The following RSPO3 variants were observed in gnomAD, a reference collection of about 807,000 sequenced individuals.
RSPO3 encodes R-spondin 3, also known as R-spondin-3.
In RSPO3, 17 loss-of-function variants were observed where a neutral mutation model predicts 36.5. The ratio of observed to expected loss-of-function variants is 0.47; its 90% CI spans 0.32 to 0.70. RSPO3 has a LOEUF of 0.70. RSPO3 is among the 30% of genes least tolerant of loss of function. The probability of loss-of-function intolerance (pLI) is 0.04; values close to 1 mark genes in which losing one functional copy is unlikely to be tolerated. For missense variants in RSPO3, 294 were observed against 322.5 expected, an observed-to-expected ratio of 0.91 and a Z score of 0.68; for synonymous variants, 108 against 107.0, an observed-to-expected ratio of 1.01 and a Z score of -0.06.
At chr6:127,167,798 C>G (rs1013473715) in intron 4 of RSPO3, among the ~76,000 whole-genome samples, 9 of 151,816 alleles carry the variant, frequency 5.9e-5, no homozygotes, top group Admixed American at 1.3e-4. Flanking sequence ...GTGTGATGTT[C>G]CCCTTCCAGT....
At chr6:127,141,881 A>G (rs1001686140) in intron 1 of RSPO3, among the ~76,000 whole-genome samples, 1 of 151,592 alleles carries the variant, frequency 6.6e-6, no homozygotes, top group Admixed American at 6.6e-5. Context: ...ACACACATAT[A>G]TGTGTGTGTG....
In RSPO3 at chr6:127,197,489, T is replaced by C; in HGVS notation, c.*1482T>C. 6.4e-7 allele frequency: 1 copy of C among 1,550,564 alleles called. No individual in the cohort carries two copies. Among genetic ancestry groups the C allele is most frequent in the South Asian group, 1.2e-5 (1 of 84,054 alleles). On this transcript the variant is annotated 3_prime_UTR_variant, in exon 5 of 5. Transcript: ENST00000356698. ...TTCACAGAGGACACAGCCCACCCCT[T>C]GCAGGAGGAGGTATCTCTGAGTGTG...
rs180998961 is a variant in RSPO3, at chr6:127,154,058, C to T, written c.437-1183C>T. On this transcript the variant is annotated intron_variant, in intron 3 of 4. Coordinates refer to ENST00000356698, the MANE Select transcript of RSPO3 (RefSeq NM_032784.5). ...ATCAATTCCATTTAATTCCGTGTTGCACTCAGGGACCTGAAAGTGTCTGAA... is the reference window on the plus strand; with the variant it reads ...ATCAATTCCATTTAATTCCGTGTTGTACTCAGGGACCTGAAAGTGTCTGAA... Among the ~76,000 whole-genome samples the T allele has an allele frequency of 1.1e-4, 16 of 152,238 alleles. 1 individual carries two copies. The highest frequency in any genetic ancestry group is 1.5e-4 in the Non-Finnish European group (10 of 68,002).
chr6:127,130,398 TTAAA>T (rs2114547314), intron 1 of RSPO3, among the ~76,000 whole-genome samples: 1 of 152,230 alleles, frequency 6.6e-6, no homozygotes, highest in South Asian at 2.1e-4. Flanking sequence ...AGTTCTCAGT[TTAAA>T]TATGTGGATG....
intron 4 of RSPO3, among the ~76,000 whole-genome samples, chr6:127,184,499 G>A (rs1582813776): frequency 6.6e-6 from 1 of 151,852 alleles, no homozygotes; most frequent in Admixed American, 6.6e-5. Context: ...ATCTACTAAT[G>A]ATAACGTTAA....
At chr6:127,169,166 G>A (rs1369790558) in intron 4 of RSPO3, among the ~76,000 whole-genome samples, 5 of 151,614 alleles carry the variant, frequency 3.3e-5, no homozygotes, top group Non-Finnish European at 7.4e-5. Flanking sequence ...CACCAACCAT[G>A]TAGAAGTGTT....
chr6:127,122,799 AG>A (rs1773870757), intron 1 of RSPO3, among the ~76,000 whole-genome samples: 2 of 152,210 alleles, frequency 1.3e-5, no homozygotes. Flanking sequence ...AATACCTAAT[AG>A]TAAAGTTTTC....
At chr6:127,142,810 G>GTTTGTT (rs374053219) in intron 1 of RSPO3, among the ~76,000 whole-genome samples, 1 of 151,084 alleles carries the variant, frequency 6.6e-6, no homozygotes, top group Non-Finnish European at 1.5e-5. Flanking sequence ...TTGTTTGTTT[G>GTTTGTT]TTTGTTTTTG....
intron 4 of RSPO3, among the ~76,000 whole-genome samples, chr6:127,187,888 TATA>T (rs1226141438): frequency 6.6e-6 from 1 of 152,208 alleles, no homozygotes; most frequent in Non-Finnish European, 1.5e-5. Context: ...CCTTTACTTT[TATA>T]ATGAGTAAAA....
At chr6:127,165,783 A>G (rs1582803386) in intron 4 of RSPO3, among the ~76,000 whole-genome samples, 1 of 152,014 alleles carries the variant, frequency 6.6e-6, no homozygotes, top group East Asian at 1.9e-4. Flanking sequence ...AAGTATTGAA[A>G]TAGTTTAAAA....
At chr6:127,153,036 C>T (rs1486876132) in intron 3 of RSPO3, among the ~76,000 whole-genome samples, 1 of 152,116 alleles carries the variant, frequency 6.6e-6, no homozygotes, top group African/African-American at 2.4e-5. Flanking sequence ...ATTCAACTTT[C>T]TTGCCAATTC....
At chr6:127,193,904 T>A (rs1255931431) in intron 4 of RSPO3, among the ~76,000 whole-genome samples, 1 of 152,208 alleles carries the variant, frequency 6.6e-6, no homozygotes, top group African/African-American at 2.4e-5. Context: ...AGTTTAGGCA[T>A]AATAGTTGCC....
At chr6:127,138,147 C>T (rs1182014538) in intron 1 of RSPO3, among the ~76,000 whole-genome samples, 1 of 152,064 alleles carries the variant, frequency 6.6e-6, no homozygotes, top group African/African-American at 2.4e-5. Flanking sequence ...TCATTGTAAA[C>T]AAGTAATCCA....
At chr6:127,128,101 A>G (rs1474696) in intron 1 of RSPO3, among the ~76,000 whole-genome samples, 82,818 of 151,902 alleles carry the variant, frequency 0.55, 22,626 homozygotes, top group East Asian at 0.61. Context: ...TGAGAATGTT[A>G]GAAAAGTCTG....
At chr6:127,157,285 C>A (rs143881025) in intron 4 of RSPO3, among the ~76,000 whole-genome samples, 1 of 151,892 alleles carries the variant, frequency 6.6e-6, no homozygotes, top group Admixed American at 6.6e-5. Context: ...AAAGATTGTA[C>A]GTTATTAATC....
chr6:127,131,821 G>A (rs1373987609), intron 1 of RSPO3, among the ~76,000 whole-genome samples: 4 of 152,056 alleles, frequency 2.6e-5, no homozygotes, highest in African/African-American at 4.8e-5. Flanking sequence ...CACTGAATAA[G>A]TTTGGTGTGT....
chr6:127,157,381 A>G (rs1458135249), intron 4 of RSPO3, among the ~76,000 whole-genome samples: 1 of 152,092 alleles, frequency 6.6e-6, no homozygotes, highest in East Asian at 1.9e-4. Flanking sequence ...ATTACATTTT[A>G]TTTCTTTTAC....
intron 1 of RSPO3, among the ~76,000 whole-genome samples, chr6:127,136,260 A>G (rs1019635097): frequency 3.9e-5 from 6 of 152,166 alleles, no homozygotes; most frequent in Non-Finnish European, 8.8e-5. Context: ...TCATTGACTG[A>G]GGAGTTGCTT....
intron 1 of RSPO3, among the ~76,000 whole-genome samples, chr6:127,122,816 G>A (rs1030058378): frequency 3.3e-5 from 5 of 152,006 alleles, no homozygotes; most frequent in East Asian, 3.9e-4. Flanking sequence ...TTTTCTAAAC[G>A]GAATATATCA....
Sources: gnomAD v4.1 joint callset for allele counts (sites outside exome capture counted in the v4.1 genomes callset) on GRCh38, gnomAD v4.1.1 for gene constraint, MANE v1.5 for transcripts, NCBI Gene and HGNC (gene_info 2026-07-23, HGNC 2026-07-21) for gene names.